The following CFAP77 variants were observed in gnomAD, a reference collection of about 807,000 sequenced individuals.
CFAP77 encodes the protein cilia and flagella associated protein 77, also known as cilia- and flagella-associated protein 77.
CFAP77 carries 25 observed loss-of-function variants against 31.1 expected under a neutral mutation model. The ratio of observed to expected loss-of-function variants is 0.80; its 90% confidence interval spans 0.59 to 1.12. CFAP77 has a LOEUF of 1.12. Ranked by LOEUF, CFAP77 falls within the 50% of genes most tolerant of loss-of-function variation. CFAP77 has a pLI of 0.00. For synonymous variants in CFAP77, 151 were observed against 159.9 expected, an observed-to-expected ratio of 0.94 and a Z score of 0.42; for missense variants, 377 against 397.3, an observed-to-expected ratio of 0.95 and a Z score of 0.44.
At position 132,480,549 on chromosome 9, in the gene CFAP77, G is replaced by C. The variant is rs995837940; in HGVS notation, c.196-18146G>C. Reference sequence around the variant, plus strand: ...GGAGACGCCACAGCAAATGAGACAGGTCTGTCCCGTGCTCACCCAGCTGAC... The same window carrying C: ...GGAGACGCCACAGCAAATGAGACAGCTCTGTCCCGTGCTCACCCAGCTGAC... On this transcript the variant is annotated intron_variant, in intron 1 of 5. Transcript: ENST00000393216. This position sits in a 1 kb window ranked among gnomAD's most constrained non-coding sequence, Gnocchi z 5.8. 6.6e-6 allele frequency among the ~76,000 whole-genome samples: 1 copy of C among 152,218 alleles called. No individual in the cohort carries two copies. The highest frequency in any genetic ancestry group is 2.4e-5 in the African/African-American group (1 of 41,460).
intron 1 of CFAP77, among the ~76,000 whole-genome samples, chr9:132,486,066 G>GTA (rs1368429138): frequency 4.3e-4 from 7 of 16,338 alleles, no homozygotes; most frequent in African/African-American, 1.3e-3. Flanking sequence ...GTGTGTGTGT[G>GTA]TATATATATA....
chr9:132,441,813 C>G (rs1010891209), intron 1 of CFAP77, among the ~76,000 whole-genome samples: 15 of 152,334 alleles, frequency 9.8e-5, no homozygotes, highest in Non-Finnish European at 2.2e-4. Context: ...CCTGTTCCTC[C>G]AAGGGTGGCT....
chr9:132,499,341 C>A lies in CFAP77; in HGVS notation c.296-31C>A. The A allele has an allele frequency of 6.2e-7, 1 of 1,603,368 alleles. No homozygotes were observed. Among genetic ancestry groups the A allele is most frequent in the South Asian group, 1.1e-5 (1 of 90,708 alleles). The stretch of plus-strand genomic sequence containing the variant: ...TCAGGGTGCTTACTCCCAGGCTGAC[C>A]ACTGCCCCGTGGGTCTCTCCCTGCC... On this transcript the variant is annotated intron_variant, in intron 2 of 5. Transcript: ENST00000393216. This position sits in a 1 kb window ranked among gnomAD's most constrained non-coding sequence, Gnocchi z 5.4.
intron 1 of CFAP77, among the ~76,000 whole-genome samples, chr9:132,435,890 G>T (rs1021406099): frequency 2.0e-5 from 3 of 152,154 alleles, no homozygotes; most frequent in Non-Finnish European, 2.9e-5. Flanking sequence ...GAAACACAGG[G>T]CTTACCTTTA....
At chr9:132,451,905 A>G (rs1850834625) in intron 1 of CFAP77, among the ~76,000 whole-genome samples, 1 of 151,060 alleles carries the variant, frequency 6.6e-6, no homozygotes, top group Admixed American at 6.6e-5. Flanking sequence ...CCTGGATTCA[A>G]GCGATTCTCC....
intron 1 of CFAP77, among the ~76,000 whole-genome samples, chr9:132,456,023 T>C (rs1383738759): frequency 2.6e-5 from 4 of 152,190 alleles, no homozygotes; most frequent in African/African-American, 9.7e-5. Flanking sequence ...GCCGTGGCGA[T>C]TCAATGAGGA....
At chr9:132,421,262 G>C (rs1262795209) in intron 1 of CFAP77, among the ~76,000 whole-genome samples, 2 of 152,058 alleles carry the variant, frequency 1.3e-5, no homozygotes, top group Non-Finnish European at 2.9e-5. Flanking sequence ...AAAGTGATGG[G>C]ATTACAGGCG....
intron 5 of CFAP77, among the ~76,000 whole-genome samples, chr9:132,560,527 G>A (rs539436169): frequency 5.3e-4 from 80 of 152,286 alleles, no homozygotes; most frequent in African/African-American, 1.8e-3. Context: ...TAATCCTTGC[G>A]AATGACCTGG....
Position 132,539,657 on chromosome 9 carries a change from G to T in CFAP77, c.630+1951G>T, listed in dbSNP as rs1369256349. 6.6e-6 allele frequency among the ~76,000 whole-genome samples: 1 copy of T among 152,178 alleles called. No individual in the cohort carries two copies. The highest frequency in any genetic ancestry group is 6.5e-5 in the Admixed American group (1 of 15,282). On this transcript the variant is annotated intron_variant, in intron 4 of 5. Transcript: ENST00000393216. This position sits in a 1 kb window ranked among gnomAD's most constrained non-coding sequence, Gnocchi z 4.3. ...TCAGGAGGGGCCAGGAGGGGTGCAC[G>T]AAGTGGGAGGCTGAGGATTTCCAGG...
intron 3 of CFAP77, chr9:132,513,116 A>T (rs1208368366): frequency 1.2e-6 from 1 of 813,354 alleles, no homozygotes; most frequent in Non-Finnish European, 1.9e-6. Flanking sequence ...TAATAATCAC[A>T]TCGTGGAGAA....
chr9:132,439,901 ATC>A (rs1850587448), intron 1 of CFAP77, among the ~76,000 whole-genome samples: 1 of 151,834 alleles, frequency 6.6e-6, no homozygotes, highest in Non-Finnish European at 1.5e-5. Context: ...CAGAGCAAAC[ATC>A]TCTCTTATTC....
intron 1 of CFAP77, among the ~76,000 whole-genome samples, chr9:132,492,615 C>T (rs570519349): frequency 1.1e-4 from 16 of 152,350 alleles, no homozygotes; most frequent in African/African-American, 3.4e-4. Context: ...CAGGACCCTC[C>T]GGCTGTCCAT....
At chr9:132,418,598 G>C (rs1343859898) in intron 1 of CFAP77, among the ~76,000 whole-genome samples, 1 of 152,070 alleles carries the variant, frequency 6.6e-6, no homozygotes, top group Non-Finnish European at 1.5e-5. Flanking sequence ...TTCGTTTCCC[G>C]AGCAATGTAG....
chr9:132,460,768 G>A (rs1370098758), intron 1 of CFAP77, among the ~76,000 whole-genome samples: 5 of 152,058 alleles, frequency 3.3e-5, no homozygotes, highest in Non-Finnish European at 5.9e-5. Flanking sequence ...ATTCTCTGTC[G>A]TCCAGGCTGG....
chr9:132,423,203 TG>T (rs1786519965), intron 1 of CFAP77, among the ~76,000 whole-genome samples: 1 of 152,242 alleles, frequency 6.6e-6, no homozygotes, highest in East Asian at 1.9e-4. Context: ...GGAAAGCGCC[TG>T]TTGGGCGAAC....
intron 1 of CFAP77, among the ~76,000 whole-genome samples, chr9:132,448,161 A>AT (rs1409163665): frequency 6.5e-4 from 90 of 138,148 alleles, no homozygotes; most frequent in African/African-American, 2.9e-3. Context: ...GGATCAAGAT[A>AT]CACACACGCA....
intron 1 of CFAP77, among the ~76,000 whole-genome samples, chr9:132,441,738 C>T (rs772445740): frequency 6.6e-6 from 1 of 152,146 alleles, no homozygotes; most frequent in African/African-American, 2.4e-5. Flanking sequence ...CAAACAGCCC[C>T]GGATTCAAAT....
chr9:132,483,934 G>T (rs963992283), intron 1 of CFAP77, among the ~76,000 whole-genome samples: 1 of 142,516 alleles, frequency 7.0e-6, no homozygotes, highest in Non-Finnish European at 1.5e-5. Flanking sequence ...TGGAGGTATT[G>T]TCTTTTTTTT....
At chr9:132,505,434 C>T (rs1261079616) in intron 3 of CFAP77, among the ~76,000 whole-genome samples, 1 of 152,126 alleles carries the variant, frequency 6.6e-6, no homozygotes, top group Admixed American at 6.5e-5. Flanking sequence ...AATCCCAAAG[C>T]CTCTGTGGCT....
Sources: allele counts gnomAD v4.1 joint callset (sites outside exome capture counted in the v4.1 genomes callset), GRCh38; gene constraint gnomAD v4.1.1; non-coding constraint Gnocchi (gnomAD v3.1); transcripts MANE v1.5; gene names NCBI Gene and HGNC (gene_info 2026-07-23, HGNC 2026-07-21).